The following COL21A1 variants were observed in gnomAD, a reference collection of about 807,000 sequenced individuals.
COL21A1 encodes collagen alpha-1(XXI) chain.
A neutral mutation model predicts 137.9 loss-of-function variants in COL21A1; 149 were observed. The observed-to-expected ratio is 1.08, with a 90% CI of 0.95 to 1.24. COL21A1 has a LOEUF of 1.24. COL21A1 is among the 50% of genes most tolerant of loss of function. The probability of loss-of-function intolerance (pLI) is 0.00; values close to 1 mark genes in which losing one functional copy is unlikely to be tolerated. For synonymous variants in COL21A1, 456 were observed against 391.5 expected (o/e 1.16, Z -1.95); for missense variants, 1,167 against 1,158.4 (o/e 1.01, Z -0.11).
rs144921196 is a variant in COL21A1, at chr6:56,297,472, T to A, written c.-39+96499A>T. Among the ~76,000 whole-genome samples, 1,063 of 152,212 alleles carry A rather than the reference T, an allele frequency of 7.0e-3. 7 individuals are homozygous for A. The highest frequency in any genetic ancestry group is 9.9e-3 in the Non-Finnish European group (674 of 67,970). On this transcript the variant is annotated intron_variant, in intron 1 of 28. Coordinates refer to the COL21A1 transcript ENST00000370819. Reference sequence around the variant, plus strand: ...ACAGGTCCCTTTATATGGGCCAACATACTCATTTTTACTTTGCTTAATGTT... The same window carrying A: ...ACAGGTCCCTTTATATGGGCCAACAAACTCATTTTTACTTTGCTTAATGTT...
chr6:56,203,948 C>T (rs1234147208), intron 1 of COL21A1, among the ~76,000 whole-genome samples: 1 of 152,192 alleles, frequency 6.6e-6, no homozygotes, highest in Non-Finnish European at 1.5e-5. Context: ...AGATACTGCA[C>T]TTTTCCCATG....
intron 1 of COL21A1, among the ~76,000 whole-genome samples, chr6:56,282,479 T>C (rs775771361): frequency 1.3e-5 from 2 of 152,222 alleles, no homozygotes; most frequent in Non-Finnish European, 1.5e-5. Context: ...TCTATTATTA[T>C]GAAATATGTT....
At chr6:56,255,535 G>T (rs1782948842) in intron 1 of COL21A1, among the ~76,000 whole-genome samples, 1 of 152,166 alleles carries the variant, frequency 6.6e-6, no homozygotes, top group Non-Finnish European at 1.5e-5. Flanking sequence ...GTAAGGAACA[G>T]GGAGGGAAAT....
In COL21A1 at chr6:56,155,106, TCTC is replaced by T. The variant is rs528976219; in HGVS notation, c.1434+1778_1434+1780del. On this transcript the variant is annotated intron_variant, in intron 10 of 29. Transcript: ENST00000244728. ...TCCAATAAGCTCCAGTGTGTGTTGT[TCTC>T]CTCTATGCGTCCATATGTTTTCATG... 8.6e-3 allele frequency among the ~76,000 whole-genome samples: 1,302 copies of T among 152,266 alleles called. 9 individuals carry two copies. The highest frequency in any genetic ancestry group is 0.02 in the Middle Eastern group (6 of 294).
intron 1 of COL21A1, among the ~76,000 whole-genome samples, chr6:56,266,509 GC>G (rs1178469765): frequency 6.6e-6 from 1 of 152,192 alleles, no homozygotes; most frequent in Non-Finnish European, 1.5e-5. Context: ...GAGCAACAAA[GC>G]TTAAAATATT....
intron 9 of COL21A1, among the ~76,000 whole-genome samples, chr6:56,162,478 T>G (rs1776265108): frequency 6.6e-6 from 1 of 152,130 alleles, no homozygotes; most frequent in South Asian, 2.1e-4. Context: ...TGCTAAAAAT[T>G]TCGTGTAGAA....
chr6:56,099,807 T>A (rs973812891), intron 17 of COL21A1, among the ~76,000 whole-genome samples: 4 of 152,132 alleles, frequency 2.6e-5, no homozygotes, highest in Non-Finnish European at 4.4e-5. Context: ...GGCTCACATA[T>A]GTTGAGCTCA....
At chr6:56,146,782 G>A (rs2152243879) in intron 10 of COL21A1, among the ~76,000 whole-genome samples, 1 of 152,224 alleles carries the variant, frequency 6.6e-6, no homozygotes, top group Non-Finnish European at 1.5e-5. Flanking sequence ...TATCTGCACA[G>A]CTCGTGGGTC....
At chr6:56,099,346 G>T (rs1457355025) in intron 17 of COL21A1, among the ~76,000 whole-genome samples, 1 of 149,260 alleles carries the variant, frequency 6.7e-6, no homozygotes, top group Non-Finnish European at 1.5e-5. Flanking sequence ...CCATTCTCCG[G>T]CCTCAGCCCC....
intron 1 of COL21A1, among the ~76,000 whole-genome samples, chr6:56,341,983 T>C (rs1765481243): frequency 6.6e-6 from 1 of 152,206 alleles, no homozygotes; most frequent in African/African-American, 2.4e-5. Flanking sequence ...TAAAAAATGA[T>C]ACTGAAATGT....
At chr6:56,356,404 C>G (rs1447618652) in intron 1 of COL21A1, among the ~76,000 whole-genome samples, 1 of 152,130 alleles carries the variant, frequency 6.6e-6, no homozygotes, top group Non-Finnish European at 1.5e-5. Context: ...CCTCTACCCA[C>G]TATATGTCAG....
At chr6:56,150,466 C>T (rs1181802052) in intron 10 of COL21A1, among the ~76,000 whole-genome samples, 5 of 150,794 alleles carry the variant, frequency 3.3e-5, no homozygotes, top group African/African-American at 2.4e-5. Context: ...TGCAGTGAGC[C>T]GAGAGCGCGC....
At chr6:56,268,701 T>C (rs1015570848) in intron 1 of COL21A1, among the ~76,000 whole-genome samples, 2 of 152,126 alleles carry the variant, frequency 1.3e-5, no homozygotes, top group Non-Finnish European at 2.9e-5. Context: ...AGAATTAGCA[T>C]AAGAACTCTG....
chr6:56,168,438 T>TG, intron 5 of COL21A1, 141 bp from the exon 6 acceptor site: 1 of 538,306 alleles, frequency 1.9e-6, no homozygotes, highest in Non-Finnish European at 2.9e-6. Context: ...TAATTCACCC[T>TG]GATCCAAGGT....
intron 1 of COL21A1, among the ~76,000 whole-genome samples, chr6:56,275,650 A>G (rs1409411349): frequency 6.6e-6 from 1 of 152,250 alleles, no homozygotes; most frequent in Non-Finnish European, 1.5e-5. Flanking sequence ...AGAGAAATGC[A>G]AATCTAAACT....
At position 56,200,678 on chromosome 6, in the gene COL21A1, C is replaced by T. The variant is rs368378125; in HGVS notation, c.-38-18022G>A. 2.4e-4 allele frequency among the ~76,000 whole-genome samples: 37 copies of T among 151,970 alleles called. No individual in the cohort carries two copies. The East Asian group carries it at 3.9e-3, about 16-fold the overall frequency. On this transcript the variant is annotated intron_variant, in intron 1 of 29. Coordinates refer to ENST00000244728, the MANE Select transcript of COL21A1 (RefSeq NM_030820.4). The stretch of plus-strand genomic sequence containing the variant: ...ATAGTATTCCATGGTGTATATGTGC[C>T]ACATTTTCTTCATCCAGTATATCAT...
chr6:56,264,046 T>A (rs1172483433), intron 1 of COL21A1, among the ~76,000 whole-genome samples: 5 of 152,098 alleles, frequency 3.3e-5, no homozygotes, highest in South Asian at 2.1e-4. Context: ...TATAGGACAA[T>A]TCCTCTGTTT....
chr6:56,333,543 T>C (rs947448268), intron 1 of COL21A1, among the ~76,000 whole-genome samples: 2 of 152,118 alleles, frequency 1.3e-5, no homozygotes, highest in Non-Finnish European at 2.9e-5. Context: ...TTGATGTACA[T>C]TGGGGTTGTT....
At chr6:56,337,961 CTTTTTTTT>C (rs200998969) in intron 1 of COL21A1, among the ~76,000 whole-genome samples, 17 of 90,902 alleles carry the variant, frequency 1.9e-4, no homozygotes, top group African/African-American at 4.4e-4. Flanking sequence ...CTTTTCTTTT[CTTTTTTTT>C]TTTTTTTTTT....
Sources: allele counts gnomAD v4.1 joint callset (sites outside exome capture counted in the v4.1 genomes callset), GRCh38; gene constraint gnomAD v4.1.1; transcripts MANE v1.5; gene names NCBI Gene and HGNC (gene_info 2026-07-23, HGNC 2026-07-21).